NCKAP5: variants seen among roughly 807,000 people sequenced by gnomAD.
NCKAP5 encodes the protein nck-associated protein 5.
A neutral mutation model predicts 167.0 loss-of-function variants in NCKAP5; 92 were observed. The ratio of observed to expected loss-of-function variants is 0.55; its 90% confidence interval spans 0.47 to 0.66. The LOEUF (loss-of-function observed/expected upper bound fraction) is 0.66, where lower values mean the gene tolerates loss of function less well. NCKAP5 is among the 30% of genes least tolerant of loss of function. The probability of loss-of-function intolerance (pLI) is 0.00; values close to 1 mark genes in which losing one functional copy is unlikely to be tolerated. For missense variants in NCKAP5, 2,378 were observed against 2,315.0 expected, an observed-to-expected ratio of 1.03 and a Z score of -0.56; for synonymous variants, 891 against 877.4, an observed-to-expected ratio of 1.02 and a Z score of -0.27.
intron 4 of NCKAP5, among the ~76,000 whole-genome samples, chr2:133,291,774 A>G (rs532288857): frequency 4.1e-4 from 62 of 152,252 alleles, no homozygotes; most frequent in African/African-American, 1.4e-3. Flanking sequence ...GTTCCCACGC[A>G]TGTTCTCCGC....
At chr2:133,074,356 G>A (rs553050526) in intron 6 of NCKAP5, among the ~76,000 whole-genome samples, 14 of 124,860 alleles carry the variant, frequency 1.1e-4, no homozygotes, top group South Asian at 2.5e-4. Flanking sequence ...CCAAAAAACC[G>A]AAAATTTAAT....
intron 4 of NCKAP5, among the ~76,000 whole-genome samples, chr2:133,275,150 A>G (rs72987610): frequency 0.026 from 4,006 of 152,206 alleles, 155 homozygotes; most frequent in African/African-American, 0.087. Context: ...GGCAATAACT[A>G]TATTAAAACT....
In NCKAP5 at chr2:132,782,890, C is replaced by G. The variant is rs932346521; in HGVS notation, c.3921G>C (p.Glu1307Asp). ...VRTQIITNTA[E>D]RGNSLTRQNS... ...TCTGCCGGGTAAGAGAATTGCCTCT[C>G]TCGGCGGTATTGGTAATGATCTGAG... The change falls in exon 14 of 20, where the codon GAG (glutamate) becomes GAC (aspartate). Residue 1307 changes from glutamate (E) to aspartate (D), a missense_variant. Physicochemically the swap from Glu to Asp is conservative, Grantham distance 45 (BLOSUM62 2). Around this residue, in one of 3 missense-constraint regions of NCKAP5, gnomAD observed 1,325 missense variants for 1,274.5 expected, o/e 1.04. Coordinates refer to ENST00000409261, the MANE Select transcript of NCKAP5 (RefSeq NM_207363.3). 1 of 1,613,960 alleles carries G rather than the reference C, an allele frequency of 6.2e-7. No homozygotes were observed. Among genetic ancestry groups the G allele is most frequent in the Non-Finnish European group, 8.5e-7 (1 of 1,179,872 alleles).
chr2:133,182,560 A>G (rs2084783608), intron 5 of NCKAP5, among the ~76,000 whole-genome samples: 1 of 152,236 alleles, frequency 6.6e-6, no homozygotes, highest in Non-Finnish European at 1.5e-5. Flanking sequence ...TGAAATAAAA[A>G]ATACATTTGA....
At position 133,383,080 on chromosome 2, in the gene NCKAP5, T is replaced by C. The variant is rs563536426; in HGVS notation, c.70-79970A>G. Among the ~76,000 whole-genome samples the C allele has an allele frequency of 2.4e-4, 37 of 152,310 alleles. 1 individual carries two copies. The South Asian group carries it at 7.5e-3, about 31-fold the overall frequency. On this transcript the variant is annotated intron_variant, in intron 3 of 19. Transcript: ENST00000409261. ...GCTTTTTTTAAAAAAAATTTTTTTA[T>C]TATACTTTAAGTTCTAGGGTACATG... is the stretch of plus-strand genomic sequence containing the variant.
intron 3 of NCKAP5, among the ~76,000 whole-genome samples, chr2:133,484,531 C>T (rs1680735900): frequency 6.6e-6 from 1 of 152,140 alleles, no homozygotes; most frequent in South Asian, 2.1e-4. Context: ...ATGGATTAAT[C>T]CTAATACAAG....
chr2:132,692,778 A>G (rs1686893361), intron 19 of NCKAP5, among the ~76,000 whole-genome samples: 1 of 152,230 alleles, frequency 6.6e-6, no homozygotes, highest in Non-Finnish European at 1.5e-5. Flanking sequence ...CTTGGTAGTT[A>G]TTACACGAGC....
intron 9 of NCKAP5, among the ~76,000 whole-genome samples, chr2:132,869,563 T>A (rs12464177): frequency 6.6e-6 from 1 of 152,000 alleles, no homozygotes; most frequent in Non-Finnish European, 1.5e-5. Flanking sequence ...ATTTTTTCCC[T>A]TCTTCCTGAG....
At chr2:132,830,718 A>C (rs1687462952) in intron 11 of NCKAP5, among the ~76,000 whole-genome samples, 1 of 152,218 alleles carries the variant, frequency 6.6e-6, no homozygotes, top group Admixed American at 6.5e-5. Context: ...CACTTCCTGC[A>C]GTTGTTAAAT....
At position 133,213,073 on chromosome 2, in the gene NCKAP5, C is replaced by T. The variant is rs1415528832; in HGVS notation, c.207+643G>A. On this transcript the variant is annotated intron_variant, in intron 5 of 19. Transcript: ENST00000409261. ...TTCAGAAGTAGCAACAGCAGTTACT[C>T]CACGCATGCATTCCCCAGGTCCCCA... 2.6e-5 allele frequency among the ~76,000 whole-genome samples: 4 copies of T among 152,174 alleles called. No homozygotes were observed. In the East Asian group the frequency reaches 7.7e-4, roughly 29 times the overall value.
rs147081647 is a variant in NCKAP5 at position 132,958,172 on chromosome 2, A to G, written c.579+5548T>C. On this transcript the variant is annotated intron_variant, in intron 8 of 19. Coordinates refer to ENST00000409261, the MANE Select transcript of NCKAP5 (RefSeq NM_207363.3). ...ACAGGGTTACGAACATGAAAATAGC[A>G]TATATAAACATAAATGGTAATCAGA... Among the ~76,000 whole-genome samples the G allele has an allele frequency of 3.4e-3, 516 of 152,314 alleles. 2 individuals are homozygous for G. Among genetic ancestry groups the G allele is most frequent in the Non-Finnish European group, 5.7e-3 (386 of 68,028 alleles).
chr2:132,878,457 T>C (rs560159946), intron 9 of NCKAP5, among the ~76,000 whole-genome samples: 1 of 152,254 alleles, frequency 6.6e-6, no homozygotes, highest in African/African-American at 2.4e-5. Context: ...AGATGCAGCA[T>C]GCCCCGACAT....
intron 3 of NCKAP5, among the ~76,000 whole-genome samples, chr2:133,435,673 G>A (rs983386843): frequency 4.6e-5 from 7 of 152,218 alleles, no homozygotes; most frequent in South Asian, 2.1e-4. Context: ...GTTAAAAAAA[G>A]CAGGGAATTT....
At chr2:133,375,125 G>T (rs1475599590) in intron 3 of NCKAP5, among the ~76,000 whole-genome samples, 1 of 152,152 alleles carries the variant, frequency 6.6e-6, no homozygotes, top group Non-Finnish European at 1.5e-5. Context: ...ACTCTTTCCA[G>T]GTTGAAAATT....
intron 7 of NCKAP5, among the ~76,000 whole-genome samples, chr2:132,988,702 A>G (rs2077367874): frequency 6.6e-6 from 1 of 152,158 alleles, no homozygotes; most frequent in Non-Finnish European, 1.5e-5. Context: ...GTGGGTTGTT[A>G]TGGCATGGCT....
At chr2:133,069,059 T>A (rs2080296526) in intron 6 of NCKAP5, among the ~76,000 whole-genome samples, 1 of 152,228 alleles carries the variant, frequency 6.6e-6, no homozygotes, top group African/African-American at 2.4e-5. Flanking sequence ...GGTGCAAAAC[T>A]GTAACCCAAG....
chr2:133,325,325 T>C (rs1682359203), intron 3 of NCKAP5, among the ~76,000 whole-genome samples: 1 of 152,298 alleles, frequency 6.6e-6, no homozygotes, highest in Non-Finnish European at 1.5e-5. Context: ...AGAAGAAAAC[T>C]AGATGACTCC....
intron 16 of NCKAP5, among the ~76,000 whole-genome samples, chr2:132,743,852 T>C (rs576721592): frequency 6.6e-6 from 1 of 151,584 alleles, no homozygotes; most frequent in Non-Finnish European, 1.5e-5. Context: ...GACAGAAAAA[T>C]ATATAGCATG....
At chr2:132,996,129 C>T (rs904043906) in intron 6 of NCKAP5, among the ~76,000 whole-genome samples, 3 of 152,192 alleles carry the variant, frequency 2.0e-5, no homozygotes, top group Non-Finnish European at 4.4e-5. Flanking sequence ...AGTTTTGCAT[C>T]CAGTCCACAG....
Sources: allele counts gnomAD v4.1 joint callset (sites outside exome capture counted in the v4.1 genomes callset), GRCh38; gene constraint gnomAD v4.1.1; regional missense constraint gnomAD v4.1.1; transcripts MANE v1.5; gene names NCBI Gene and HGNC (gene_info 2026-07-23, HGNC 2026-07-21).